The following TANC2 variants were observed in gnomAD, a reference collection of about 807,000 sequenced individuals.
TANC2 encodes protein TANC2.
A neutral mutation model predicts 210.5 loss-of-function variants in TANC2; 26 were observed. The observed-to-expected ratio is 0.12, with a 90% confidence interval of 0.09 to 0.17. TANC2 has a LOEUF of 0.17. Among genes scored for constraint, TANC2 ranks in the 10% least tolerant of loss-of-function variants. TANC2 has a pLI of 1.00. For synonymous variants in TANC2, 931 were observed against 967.1 expected (o/e 0.96, Z 0.69); for missense variants, 2,129 against 2,608.9 (o/e 0.82, Z 4.01).
Position 63,139,650 on chromosome 17 carries a change from A to G in TANC2, c.323-11620A>G, listed in dbSNP as rs991058024. Among the ~76,000 whole-genome samples the G allele has an allele frequency of 1.1e-4, 16 of 152,166 alleles. 1 individual carries two copies. The highest frequency in any genetic ancestry group is 2.9e-5 in the Non-Finnish European group (2 of 68,022). ...ACTGGGCGTGGTGGTTCATGCCTAT[A>G]ATCCCAGCACTTTGGGAGGCTGAGG... On this transcript the variant is annotated intron_variant, in intron 4 of 27. Transcript: ENST00000689528.
At chr17:63,248,551 C>T (rs1036346645) in intron 8 of TANC2, among the ~76,000 whole-genome samples, 8 of 151,780 alleles carry the variant, frequency 5.3e-5, no homozygotes, top group African/African-American at 1.7e-4. Context: ...TTTTAAAAAC[C>T]TGGGTTAATA....
chr17:63,204,430 A>G (rs1421037141), intron 7 of TANC2, among the ~76,000 whole-genome samples: 2 of 142,826 alleles, frequency 1.4e-5, no homozygotes, highest in African/African-American at 2.5e-5. Context: ...TACAGATTCA[A>G]ATCAATCTCT....
At position 63,129,878 on chromosome 17, in the gene TANC2, TTTA is replaced by T. The variant is rs1334651443; in HGVS notation, c.323-21385_323-21383del. Among the ~76,000 whole-genome samples the T allele has an allele frequency of 1.6e-4, 24 of 152,312 alleles. No homozygotes were observed. The South Asian group carries it at 2.5e-3, about 16-fold the overall frequency. The stretch of plus-strand genomic sequence containing the variant: ...AGACATTCAAAACTTTTAAGTGATC[TTTA>T]TTATTAATAATGTAATAATTTTGAA... On this transcript the variant is annotated intron_variant, in intron 4 of 27. Coordinates refer to ENST00000689528, the Ensembl canonical transcript of TANC2.
intron 4 of TANC2, among the ~76,000 whole-genome samples, chr17:63,138,149 C>T (rs1345069344): frequency 1.3e-5 from 2 of 152,110 alleles, no homozygotes; most frequent in Non-Finnish European, 2.9e-5. Flanking sequence ...AAAGACCCTT[C>T]CCCCTCCCAC....
intron 21 of TANC2, among the ~76,000 whole-genome samples, 175 bp downstream of exon 21, chr17:63,406,452 ACTCT>A (rs1213094672): frequency 6.6e-6 from 1 of 152,020 alleles, no homozygotes; most frequent in African/African-American, 2.4e-5. Flanking sequence ...TAACTCTGAT[ACTCT>A]CTATTTCCTT....
At chr17:63,244,236 T>C (rs576298782) in intron 8 of TANC2, among the ~76,000 whole-genome samples, 1 of 152,268 alleles carries the variant, frequency 6.6e-6, no homozygotes. Context: ...CCCAGAAAAC[T>C]GTTGCCATGA....
At chr17:63,152,654 G>A (rs2039694051) in intron 5 of TANC2, 1 of 152,058 alleles carries the variant, frequency 6.6e-6, no homozygotes, top group South Asian at 2.1e-4. Context: ...TTGGGCAGTC[G>A]AATATTGTAC....
At chr17:63,302,539 CT>C (rs1302603893) in intron 9 of TANC2, among the ~76,000 whole-genome samples, 1 of 100,088 alleles carries the variant, frequency 1.0e-5, no homozygotes, top group African/African-American at 3.7e-5. Context: ...CCCCCTTTGT[CT>C]TTTTTGATCT....
intron 5 of TANC2, among the ~76,000 whole-genome samples, chr17:63,182,978 C>T (rs1244672246): frequency 6.6e-6 from 1 of 152,206 alleles, no homozygotes; most frequent in African/African-American, 2.4e-5. Flanking sequence ...CTTTCTTTTT[C>T]ATTGTGCCTA....
chr17:63,035,821 C>A (rs901321593), intron 2 of TANC2, among the ~76,000 whole-genome samples: 3 of 152,148 alleles, frequency 2.0e-5, no homozygotes, highest in African/African-American at 7.2e-5. Context: ...TCATTCCCAC[C>A]AGCAACATAT....
At chr17:63,177,684 G>T (rs1046021500) in intron 5 of TANC2, among the ~76,000 whole-genome samples, 1 of 152,096 alleles carries the variant, frequency 6.6e-6, no homozygotes, top group Non-Finnish European at 1.5e-5. Context: ...TGGCTGGATG[G>T]CTCTAGCATT....
rs754057352 is a variant in TANC2, at chr17:63,420,157, C to T, written c.4427C>T (p.Pro1476Leu). Residue 1476 changes from proline (P) to leucine (L), a missense_variant, in exon 28 of 28, where the codon CCG (proline) becomes CTG (leucine). Physicochemically the swap from Pro to Leu is moderately conservative, Grantham distance 98. Around this residue, in one of 5 missense-constraint regions of TANC2, gnomAD observed 584 missense variants for 627.3 expected, o/e 0.93. Transcript: ENST00000689528. This position sits in a 1 kb window ranked among gnomAD's most constrained non-coding sequence, Gnocchi z 4.2. ...CCACCGCAGCCTCAGCAGCAGTTGC[C>T]GGAAGAAGCAGAACCTGAGCCACAG... 24 of 1,562,736 alleles carry T rather than the reference C, an allele frequency of 1.5e-5. No homozygotes were observed. Among genetic ancestry groups the T allele is most frequent in the African/African-American group, 2.7e-5 (2 of 73,478 alleles).
Position 63,173,004 on chromosome 17 carries a change from C to T in TANC2, c.434-20987C>T, listed in dbSNP as rs141613398. ...AGGGAGGCTACATACAAGGTAAATG[C>T]GAATGGCATATCAGAAGGAAGGTGC... On this transcript the variant is annotated intron_variant, in intron 5 of 27. Coordinates refer to ENST00000689528, the Ensembl canonical transcript of TANC2. Among the ~76,000 whole-genome samples the T allele has an allele frequency of 3.0e-3, 458 of 152,106 alleles. 2 individuals carry two copies. The highest frequency in any genetic ancestry group is 0.01 in the African/African-American group (434 of 41,484).
intron 1 of TANC2, among the ~76,000 whole-genome samples, chr17:62,972,875 C>T (rs544247032): frequency 1.3e-5 from 2 of 152,222 alleles, no homozygotes; most frequent in African/African-American, 4.8e-5. Context: ...CTCCTGCCCT[C>T]TCCTTTGTTC....
At chr17:63,080,360 A>C (rs2036728833) in intron 3 of TANC2, among the ~76,000 whole-genome samples, 1 of 152,230 alleles carries the variant, frequency 6.6e-6, no homozygotes, top group Admixed American at 6.5e-5. Context: ...AAGTGGGTAG[A>C]TGAACCAGCA....
chr17:63,188,926 T>A (rs1177049193), intron 5 of TANC2, among the ~76,000 whole-genome samples: 2 of 151,444 alleles, frequency 1.3e-5, no homozygotes, highest in East Asian at 3.9e-4. Flanking sequence ...CCCGTGCCCA[T>A]TCACAGTCAC....
chr17:63,220,222 G>A (rs1460345730), intron 7 of TANC2, among the ~76,000 whole-genome samples: 1 of 151,898 alleles, frequency 6.6e-6, no homozygotes, highest in Non-Finnish European at 1.5e-5. Context: ...TTGAACCCAG[G>A]AGGCAGAGGT....
intron 3 of TANC2, among the ~76,000 whole-genome samples, chr17:63,090,215 G>GTTT (rs56746099): frequency 3.6e-5 from 5 of 140,638 alleles, no homozygotes; most frequent in Admixed American, 7.1e-5. Flanking sequence ...TTTTTTTTGA[G>GTTT]TTTTTTTTTT....
At chr17:63,329,831 A>T (rs2045776428) in intron 11 of TANC2, among the ~76,000 whole-genome samples, 1 of 152,152 alleles carries the variant, frequency 6.6e-6, no homozygotes, top group African/African-American at 2.4e-5. Flanking sequence ...ATAACATCAT[A>T]ATGGCCTCCA....
Sources: allele counts gnomAD v4.1 joint callset (sites outside exome capture counted in the v4.1 genomes callset), GRCh38; gene constraint gnomAD v4.1.1; regional missense constraint gnomAD v4.1.1; non-coding constraint Gnocchi (gnomAD v3.1); transcripts MANE v1.5; gene names NCBI Gene and HGNC (gene_info 2026-07-23, HGNC 2026-07-21).